TPP1: variants seen among roughly 807,000 people sequenced by gnomAD.
TPP1 encodes the protein tripeptidyl peptidase 1, also known as tripeptidyl-peptidase 1.
A neutral mutation model predicts 67.6 loss-of-function variants in TPP1; 43 were observed. That is an observed-to-expected ratio of 0.64 (90% CI 0.50 to 0.82). The LOEUF is 0.82. TPP1 is among the 40% of genes least tolerant of loss of function. TPP1 has a pLI of 0.00. For synonymous variants in TPP1, 272 were observed against 281.5 expected, an observed-to-expected ratio of 0.97 and a Z score of 0.34; for missense variants, 671 against 710.9, an observed-to-expected ratio of 0.94 and a Z score of 0.64.
chr11:6,614,985 T>C lies in TPP1; in HGVS notation c.1432A>G (p.Thr478Ala). ...IPWVSGTSAS[T>A]PVFGGILSLI... Reference sequence around the variant, plus strand: ...GATAGGATCCCCCCAAACACTGGAGTAGAGGCCTACAAGAGTGAAGGTGCA... The same window carrying C: ...GATAGGATCCCCCCAAACACTGGAGCAGAGGCCTACAAGAGTGAAGGTGCA... Residue 478 changes from threonine (T) to alanine (A), a missense_variant, in exon 12 of 13, where the codon ACT becomes GCT. By Grantham distance (58) the Thr-to-Ala change is moderately conservative. Transcript: ENST00000299427. 6.2e-7 allele frequency: 1 copy of C among 1,613,740 alleles called. No homozygotes were observed. Among genetic ancestry groups the C allele is most frequent in the Non-Finnish European group, 8.5e-7 (1 of 1,179,954 alleles).
chr11:6,615,580 C>T lies in TPP1; in HGVS notation c.1146-18G>A, dbSNP rs72909098. The T allele has an allele frequency of 9.9e-6, 16 of 1,613,966 alleles. No homozygotes were observed. The highest frequency in any genetic ancestry group is 1.4e-5 in the Non-Finnish European group (16 of 1,180,012). ...CATAGGGGCTGAGGGGAGAAGACAG[C>T]ATTTGGATAGTAGGGGACCCAAGGG... On this transcript the variant is annotated intron_variant, in intron 9 of 12. Coordinates refer to ENST00000299427, the MANE Select transcript of TPP1 (RefSeq NM_000391.4).
intron 1 of TPP1, 37 bp downstream of exon 1, chr11:6,619,347 C>A (rs369700288): frequency 1.2e-6 from 2 of 1,614,234 alleles, no homozygotes. Flanking sequence ...CTCCCTCCAA[C>A]GTGATCCCTT....
rs370517226 is a variant in TPP1 at position 6,614,502 on chromosome 11, A to T, written c.*44T>A. On this transcript the variant is annotated 3_prime_UTR_variant, in exon 13 of 13. Coordinates refer to ENST00000299427, the MANE Select transcript of TPP1 (RefSeq NM_000391.4). ...GGGCAGAATAAGGGACTGAACTGCC[A>T]GCTTCAGGGCAGGGGACAAGCCATC... 26 of 1,613,768 alleles carry T rather than the reference A, an allele frequency of 1.6e-5. No homozygotes were observed. Among genetic ancestry groups the T allele is most frequent in the Non-Finnish European group, 2.5e-6 (3 of 1,179,888 alleles).
At chr11:6,617,584 G>A (rs771673740) in intron 4 of TPP1, 42 bp downstream of exon 4, 2 of 1,613,776 alleles carry the variant, frequency 1.2e-6, no homozygotes, top group Admixed American at 3.3e-5. Context: ...TCTCACTGAT[G>A]GGATGACTGG....
At position 6,619,366 on chromosome 11, in the gene TPP1, G is replaced by C. The variant is rs777844999; in HGVS notation, c.17+18C>G. On this transcript the variant is annotated intron_variant, in intron 1 of 12. Transcript: ENST00000299427. ...CTCCAACGTGATCCCTTTCTCCCGA[G>C]CCCTCTCAATTTCTCACCAGGCTTG... 1 of 1,614,174 alleles carries C rather than the reference G, an allele frequency of 6.2e-7. No homozygotes were observed. The highest frequency in any genetic ancestry group is 1.1e-5 in the South Asian group (1 of 91,084).
In TPP1 at chr11:6,615,517, G is replaced by A. The variant is rs148950375; in HGVS notation, c.1191C>T (p.Phe397=). Residue 397 remains phenylalanine (F), a synonymous_variant, in exon 10 of 13, where the codon TTC becomes TTT. Transcript: ENST00000299427. ...TVGGTSFQEP[F]LITNEIVDYI... is the part of the protein sequence containing the mutation. ...AGTCAACAATTTCATTTGTGATGAGGAAAGGTTCCTGGAAGGATGTGCCTC... is the reference window on the plus strand; with the variant it reads ...AGTCAACAATTTCATTTGTGATGAGAAAAGGTTCCTGGAAGGATGTGCCTC... 1 of 1,614,192 alleles carries A rather than the reference G, an allele frequency of 6.2e-7. No individual in the cohort carries two copies.
Position 6,616,068 on chromosome 11 carries a change from C to A in TPP1, c.1082G>T (p.Ser361Ile), listed in dbSNP as rs972852797. 1 of 1,614,218 alleles carries A rather than the reference C, an allele frequency of 6.2e-7. No homozygotes were observed. The highest frequency in any genetic ancestry group is 8.5e-7 in the Non-Finnish European group (1 of 1,180,016). Reference protein sequence around the residue: ...GLTLLFASGDSGAGCWSVSGR... With the variant: ...GLTLLFASGDIGAGCWSVSGR... ...AGAGACAGACCAACACCCGGCCCCACTGTCACCTGAGAGAGACCAAGTGTA... is the reference window on the plus strand; with the variant it reads ...AGAGACAGACCAACACCCGGCCCCAATGTCACCTGAGAGAGACCAAGTGTA... The change falls in exon 9 of 13, where the codon AGT (serine) becomes ATT (isoleucine). Residue 361 changes from serine (S) to isoleucine (I), a missense_variant. By Grantham distance (142) the Ser-to-Ile change is moderately radical. Transcript: ENST00000299427.
At chr11:6,616,110 G>T (rs1478129647) in intron 8 of TPP1, 36 bp from the exon 9 acceptor site, 1 of 1,613,352 alleles carries the variant, frequency 6.2e-7, no homozygotes, top group Admixed American at 1.7e-5. Context: ...ATATTAATTG[G>T]TTAGGGCTTA....
chr11:6,616,906 C>T (rs1422745498), intron 6 of TPP1, 47 bp from the exon 7 acceptor site: 1 of 1,614,022 alleles, frequency 6.2e-7, no homozygotes, highest in Admixed American at 1.7e-5. Flanking sequence ...GGGTGAGTCC[C>T]AGGGTGGTAA....
Position 6,617,367 on chromosome 11 carries a change from T to C in TPP1, c.442A>G (p.Thr148Ala). The stretch of plus-strand genomic sequence containing the variant: ...GGATGTGGGGACCTTACAACATGGG[T>C]TTCCGTAGGTCCTCCCACATAGTGA... ...FHHYVGGPTE[T>A]HVVRSPHPYQ... The change falls in exon 5 of 13, where the codon ACC (threonine) becomes GCC (alanine). Residue 148 changes from threonine to alanine, a missense_variant. By Grantham distance (58) the Thr-to-Ala change is moderately conservative. Coordinates refer to ENST00000299427, the MANE Select transcript of TPP1 (RefSeq NM_000391.4). 1 of 1,614,026 alleles carries C rather than the reference T, an allele frequency of 6.2e-7. No individual in the cohort carries two copies. The highest frequency in any genetic ancestry group is 8.5e-7 in the Non-Finnish European group (1 of 1,179,984).
rs746684650 is a variant in TPP1, at chr11:6,616,629, C to G, written c.886+32G>C. Reference sequence around the variant, plus strand: ...AGGGATCAACACCCATCTCCCACCCCCTTCCCCACTGTCCAGTCCTCTTGG... The same window carrying G: ...AGGGATCAACACCCATCTCCCACCCGCTTCCCCACTGTCCAGTCCTCTTGG... On this transcript the variant is annotated intron_variant, in intron 7 of 12. Coordinates refer to ENST00000299427, the MANE Select transcript of TPP1 (RefSeq NM_000391.4). 3.1e-6 allele frequency: 5 copies of G among 1,613,756 alleles called. No individual in the cohort carries two copies. The Admixed American group carries it at 5.0e-5, about 16-fold the overall frequency.
chr11:6,617,629 A>T lies in TPP1; in HGVS notation c.377T>A (p.Ile126Asn). 1 of 1,614,052 alleles carries T rather than the reference A, an allele frequency of 6.2e-7. No homozygotes were observed. The change falls in exon 4 of 13, where the codon ATC becomes AAC. Residue 126 changes from isoleucine to asparagine, a missense_variant. Ile to Asn is a moderately radical substitution (Grantham distance 149). Transcript: ENST00000299427. ...TGGAGCAATCATTTCCTCTCACCGG[A>T]TGCTCAGCCAGCAAGTCAGAAAGTC... Reference protein sequence around the residue: ...TQDFLTCWLSIRQAELLLPGA... With the variant: ...TQDFLTCWLSNRQAELLLPGA...
Position 6,613,660 on chromosome 11 carries a change from G to T in TPP1, c.*886C>A, listed in dbSNP as rs2134589037. 1 of 152,774 alleles carries T rather than the reference G, an allele frequency of 6.5e-6. No individual in the cohort carries two copies. The highest frequency in any genetic ancestry group is 2.1e-4 in the South Asian group (1 of 4,830). The allele number at this position is 152,774 out of a possible 1,614,324, so 9.5% of individuals were successfully genotyped here. On this transcript the variant is annotated 3_prime_UTR_variant, in exon 13 of 13. Transcript: ENST00000299427. ...TTGGAAGGACTTGTGGACTGATAAA[G>T]ATATATTTAAGATGTGCAGTCAGTA...
chr11:6,614,100 C>A lies in TPP1; in HGVS notation c.*446G>T. 5.4e-6 allele frequency: 1 copy of A among 186,026 alleles called. No homozygotes were observed. Among genetic ancestry groups the A allele is most frequent in the Non-Finnish European group, 1.2e-5 (1 of 86,168 alleles). The allele number at this position is 186,026 out of a possible 1,614,324, so 11.5% of individuals were successfully genotyped here. On this transcript the variant is annotated 3_prime_UTR_variant, in exon 13 of 13. Coordinates refer to ENST00000299427, the MANE Select transcript of TPP1 (RefSeq NM_000391.4). ...GAGTGGGCAACTATGATGGAAAGGC[C>A]ATAAAGCAAAGATTGAGAAGTATGC...
rs1855598273 is a variant in TPP1, at chr11:6,617,079, C to T, written c.583G>A (p.Gly195Ser). The change falls in exon 6 of 13, where the codon GGC becomes AGC. Residue 195 changes from glycine to serine, a missense_variant. Gly to Ser is a moderately conservative substitution (Grantham distance 56). Coordinates refer to ENST00000299427, the MANE Select transcript of TPP1 (RefSeq NM_000391.4). ...RPEPQVTGTV[G>S]LHLGVTPSVI... Reference sequence around the variant, plus strand: ...GAGGGGGTTACCCCCAGATGCAGGCCTACAGTCCCTGTCACCTGCGGCTCA... The same window carrying T: ...GAGGGGGTTACCCCCAGATGCAGGCTTACAGTCCCTGTCACCTGCGGCTCA... 6.2e-7 allele frequency: 1 copy of T among 1,614,054 alleles called. No individual in the cohort carries two copies. Among genetic ancestry groups the T allele is most frequent in the South Asian group, 1.1e-5 (1 of 91,092 alleles).
chr11:6,619,359 C>T (rs767614796), intron 1 of TPP1, 25 bp downstream of exon 1: 1 of 1,614,218 alleles, frequency 6.2e-7, no homozygotes, highest in South Asian at 1.1e-5. Context: ...TGATCCCTTT[C>T]TCCCGAGCCC....
rs1244641294 is a variant in TPP1, at chr11:6,615,987, G to T, written c.1145+18C>A. On this transcript the variant is annotated intron_variant, in intron 9 of 12. Transcript: ENST00000299427. ...GAAAGGTGGTGGTTATACCTGAGTG[G>T]TAGGCTAGAGTACTTACCTGGAGGC... 1 of 1,613,778 alleles carries T rather than the reference G, an allele frequency of 6.2e-7. No individual in the cohort carries two copies. The highest frequency in any genetic ancestry group is 1.7e-5 in the Admixed American group (1 of 60,028).
Position 6,618,777 on chromosome 11 carries a change from G to A in TPP1, c.228C>T (p.Tyr76=), listed in dbSNP as rs373318861. The part of the protein sequence containing the change: ...QAVSDPSSPQ[Y]GKYLTLENVA... Reference sequence around the variant, plus strand: ...CCTGTCCTCAGTCCCAAAAGGCACCGTATTGAGGAGAGCTGGGATCCGACA... The same window carrying A: ...CCTGTCCTCAGTCCCAAAAGGCACCATATTGAGGAGAGCTGGGATCCGACA... Residue 76 remains tyrosine (Y), a splice_region_variant and synonymous_variant, in exon 3 of 13, where the codon TAC becomes TAT. Coordinates refer to ENST00000299427, the MANE Select transcript of TPP1 (RefSeq NM_000391.4). 3.1e-5 allele frequency: 50 copies of A among 1,613,592 alleles called. No individual in the cohort carries two copies. The highest frequency in any genetic ancestry group is 3.9e-5 in the Non-Finnish European group (46 of 1,180,040).
chr11:6,617,995 G>A, intron 3 of TPP1: 1 of 616,428 alleles, frequency 1.6e-6, no homozygotes, highest in East Asian at 2.9e-5. Flanking sequence ...CTAAAGGCCA[G>A]TAAGTTGCAA....
Sources: allele counts gnomAD v4.1 joint callset, GRCh38; gene constraint gnomAD v4.1.1; transcripts MANE v1.5; gene names NCBI Gene and HGNC (gene_info 2026-07-23, HGNC 2026-07-21).